Variants in RNF180 observed in about 807,000 individuals in gnomAD.
The protein encoded by RNF180 is ring finger protein 180.
In RNF180, 38 loss-of-function variants were observed where a neutral mutation model predicts 59.2. The ratio of observed to expected loss-of-function variants is 0.64; its 90% CI spans 0.50 to 0.84. RNF180 has a LOEUF of 0.84. Ranked by LOEUF, RNF180 falls within the 40% of genes least tolerant of loss-of-function variation. RNF180 has a pLI of 0.00. For missense variants in RNF180, 705 were observed against 700.9 expected (o/e 1.01, Z -0.07); for synonymous variants, 262 against 240.3 (o/e 1.09, Z -0.84).
At chr5:64,239,405 A>G (rs1444937728) in intron 5 of RNF180, among the ~76,000 whole-genome samples, 2 of 152,164 alleles carry the variant, frequency 1.3e-5, no homozygotes, top group Non-Finnish European at 2.9e-5. Flanking sequence ...TGCTCCTAGT[A>G]GTAATTGCTT....
intron 5 of RNF180, among the ~76,000 whole-genome samples, chr5:64,276,721 A>G (rs1330098584): frequency 6.6e-6 from 1 of 152,142 alleles, no homozygotes. Context: ...AATACAAATC[A>G]AAATAATGTA....
intron 5 of RNF180, among the ~76,000 whole-genome samples, chr5:64,218,956 A>G (rs568871750): frequency 6.0e-4 from 92 of 152,138 alleles, no homozygotes; most frequent in Non-Finnish European, 9.0e-4. Flanking sequence ...ATTTATTCCT[A>G]TTATTTTTAA....
intron 5 of RNF180, among the ~76,000 whole-genome samples, chr5:64,228,692 T>C (rs181472260): frequency 2.0e-5 from 3 of 152,268 alleles, no homozygotes; most frequent in African/African-American, 7.2e-5. Context: ...AAAATCATTA[T>C]AAGTCATTAC....
At chr5:64,173,761 G>A (rs1180346609) in intron 1 of RNF180, among the ~76,000 whole-genome samples, 1 of 150,684 alleles carries the variant, frequency 6.6e-6, no homozygotes, top group African/African-American at 2.4e-5. Context: ...TGTCACCCAG[G>A]CTTGAGTGCA....
chr5:64,168,933 A>C (rs1413626423), intron 1 of RNF180, among the ~76,000 whole-genome samples: 1 of 152,334 alleles, frequency 6.6e-6, no homozygotes, highest in Middle Eastern at 3.4e-3. Context: ...TAGGCATGGC[A>C]GAATAGTTGG....
intron 1 of RNF180, among the ~76,000 whole-genome samples, chr5:64,177,852 C>G (rs1750343128): frequency 1.3e-5 from 2 of 151,934 alleles, no homozygotes; most frequent in African/African-American, 2.4e-5. Context: ...ATTATCATCC[C>G]TAGGCTTGAA....
chr5:64,249,403 G>C (rs1743415588), intron 5 of RNF180, among the ~76,000 whole-genome samples: 1 of 152,048 alleles, frequency 6.6e-6, no homozygotes, highest in South Asian at 2.1e-4. Flanking sequence ...GGATAGAGTG[G>C]GATGATTTAG....
intron 5 of RNF180, among the ~76,000 whole-genome samples, chr5:64,259,792 A>T (rs948113835): frequency 6.6e-6 from 1 of 151,920 alleles, no homozygotes; most frequent in African/African-American, 2.4e-5. Context: ...GTGGTGGTGC[A>T]TGCCTATAAT....
At chr5:64,176,237 G>A (rs985256525) in intron 1 of RNF180, among the ~76,000 whole-genome samples, 8 of 151,924 alleles carry the variant, frequency 5.3e-5, no homozygotes, top group South Asian at 2.1e-4. Flanking sequence ...TTGTCAGTTT[G>A]TTTTCAGTTT....
At chr5:64,172,843 A>G (rs1252037105) in intron 1 of RNF180, among the ~76,000 whole-genome samples, 1 of 152,182 alleles carries the variant, frequency 6.6e-6, no homozygotes, top group Admixed American at 6.5e-5. Context: ...GTCCAGGTAC[A>G]CTGTTGATTA....
intron 5 of RNF180, among the ~76,000 whole-genome samples, chr5:64,282,337 G>A (rs1473890755): frequency 6.6e-6 from 1 of 152,132 alleles, no homozygotes. Flanking sequence ...GTGCATAGAG[G>A]TGTTTGTAAT....
At chr5:64,192,092 A>C (rs534781794) in intron 1 of RNF180, among the ~76,000 whole-genome samples, 1 of 152,152 alleles carries the variant, frequency 6.6e-6, no homozygotes, top group African/African-American at 2.4e-5. Flanking sequence ...GTCAAAGATC[A>C]CTTGATCATA....
intron 5 of RNF180, among the ~76,000 whole-genome samples, chr5:64,317,812 G>A (rs12522604): frequency 0.45 from 67,709 of 151,508 alleles, 16,460 homozygotes; most frequent in African/African-American, 0.65. Context: ...ATTGAAAAAT[G>A]TAAGTTAAAA....
intron 5 of RNF180, among the ~76,000 whole-genome samples, chr5:64,238,102 T>C (rs1021481075): frequency 1.3e-5 from 2 of 152,240 alleles, no homozygotes; most frequent in African/African-American, 4.8e-5. Flanking sequence ...TATATGACTT[T>C]CCATGACTGG....
chr5:64,168,638 A>G (rs1443927414), intron 1 of RNF180, among the ~76,000 whole-genome samples: 1 of 152,212 alleles, frequency 6.6e-6, no homozygotes, highest in Non-Finnish European at 1.5e-5. Context: ...TTTGAATGTC[A>G]CATAAATTTA....
chr5:64,192,091 C>T (rs1751190106), intron 1 of RNF180, among the ~76,000 whole-genome samples: 1 of 151,858 alleles, frequency 6.6e-6, no homozygotes, highest in Non-Finnish European at 1.5e-5. Context: ...TGTCAAAGAT[C>T]ACTTGATCAT....
chr5:64,185,828 T>A (rs535696706), intron 1 of RNF180, among the ~76,000 whole-genome samples: 1 of 152,252 alleles, frequency 6.6e-6, no homozygotes, highest in Non-Finnish European at 1.5e-5. Context: ...TATCTGGTGA[T>A]GCAAAGACAT....
chr5:64,339,130 T>A (rs1411818157), intron 7 of RNF180, among the ~76,000 whole-genome samples: 1 of 152,110 alleles, frequency 6.6e-6, no homozygotes, highest in Non-Finnish European at 1.5e-5. Context: ...TATCTACTCA[T>A]TTTTCTGTGA....
At chr5:64,225,104 G>GA (rs1361634190) in intron 5 of RNF180, among the ~76,000 whole-genome samples, 1 of 152,172 alleles carries the variant, frequency 6.6e-6, no homozygotes, top group Non-Finnish European at 1.5e-5. Flanking sequence ...CTTGTTAGGG[G>GA]AAAAAATCAG....
Sources: allele counts gnomAD v4.1 joint callset (sites outside exome capture counted in the v4.1 genomes callset), GRCh38; gene constraint gnomAD v4.1.1; transcripts MANE v1.5; gene names NCBI Gene and HGNC (gene_info 2026-07-23, HGNC 2026-07-21).